SLC25A14: variants seen among roughly 807,000 people sequenced by gnomAD.
SLC25A14 encodes solute carrier family 25 member 14.
In SLC25A14, 8 loss-of-function variants were observed where a neutral mutation model predicts 28.1. The ratio of observed to expected loss-of-function variants is 0.28; its 90% confidence interval spans 0.17 to 0.51. The LOEUF is 0.51. Among genes scored for constraint, SLC25A14 ranks in the 20% least tolerant of loss-of-function variants. SLC25A14 has a pLI of 0.97. For synonymous variants in SLC25A14, 74 were observed against 90.6 expected, an observed-to-expected ratio of 0.82 and a Z score of 1.04; for missense variants, 135 against 263.8, an observed-to-expected ratio of 0.51 and a Z score of 3.38.
At chrX:130,344,801 G>A (rs2033377701) in intron 2 of SLC25A14, among the ~76,000 whole-genome samples, 1 of 111,793 alleles carries the variant, frequency 8.9e-6, no homozygotes, top group African/African-American at 3.2e-5. Flanking sequence ...TTTATGAGAT[G>A]CCTCAGCCTA....
intron 4 of SLC25A14, 152 bp from the exon 5 acceptor site, chrX:130,349,099 C>A: frequency 3.6e-6 from 1 of 277,775 alleles, no homozygotes. Context: ...CCAGAATGTT[C>A]AGTTTCTTGC....
At chrX:130,359,872 G>A (rs966862626) in intron 7 of SLC25A14, among the ~76,000 whole-genome samples, 36 of 110,629 alleles carry the variant, frequency 3.3e-4, no homozygotes, top group African/African-American at 1.2e-3. Flanking sequence ...AATGAAAGTA[G>A]GTTGCAGACA....
chrX:130,368,225 A>G (rs753396118), intron 9 of SLC25A14, among the ~76,000 whole-genome samples: 1 of 112,806 alleles, frequency 8.9e-6, no homozygotes, highest in Admixed American at 9.4e-5. Flanking sequence ...CACATGCAAT[A>G]GCGATCTAAT....
intron 2 of SLC25A14, among the ~76,000 whole-genome samples, chrX:130,344,285 A>G (rs1302434672): frequency 2.7e-5 from 3 of 111,708 alleles, no homozygotes; most frequent in Non-Finnish European, 5.6e-5. Flanking sequence ...GACCTTCTAG[A>G]TGATTCTAAT....
At chrX:130,356,857 T>A (rs1400971360) in intron 6 of SLC25A14, among the ~76,000 whole-genome samples, 2 of 111,917 alleles carry the variant, frequency 1.8e-5, no homozygotes, top group Admixed American at 1.9e-4. Flanking sequence ...AACTTTGTCC[T>A]TTCCCCACCA....
At chrX:130,368,435 C>A (rs1342062092) in intron 9 of SLC25A14, among the ~76,000 whole-genome samples, 1 of 112,044 alleles carries the variant, frequency 8.9e-6, no homozygotes, top group Non-Finnish European at 1.9e-5. Context: ...GTCTTATGTG[C>A]TAAGCACTGT....
intron 2 of SLC25A14, among the ~76,000 whole-genome samples, chrX:130,344,570 A>C (rs1490638995): frequency 1.8e-5 from 2 of 111,810 alleles, no homozygotes; most frequent in Non-Finnish European, 3.8e-5. Flanking sequence ...TGTACGTTAA[A>C]TGTCAGAGGG....
chrX:130,368,928 A>G (rs1366429622), intron 9 of SLC25A14, among the ~76,000 whole-genome samples: 2 of 112,418 alleles, frequency 1.8e-5, no homozygotes, highest in African/African-American at 6.5e-5. Flanking sequence ...TTGCTCACTC[A>G]TTTACTCACT....
Position 130,372,895 on chromosome X carries a change from G to T in SLC25A14, c.937-14G>T. ...CGATATCAACCTGGTGATCTTCCTT[G>T]ACTTACTCCTCAGTTTTTTATTACA... On this transcript the variant is annotated splice_polypyrimidine_tract_variant and intron_variant, in intron 10 of 10. Coordinates refer to ENST00000545805, the MANE Select transcript of SLC25A14 (RefSeq NM_001282195.2). 1 of 1,159,226 alleles carries T rather than the reference G, an allele frequency of 8.6e-7. No individual in the cohort carries two copies. The highest frequency in any genetic ancestry group is 1.2e-6 in the Non-Finnish European group (1 of 851,304).
intron 6 of SLC25A14, among the ~76,000 whole-genome samples, chrX:130,356,295 C>T (rs1160295670): frequency 2.2e-5 from 2 of 91,210 alleles, no homozygotes; most frequent in African/African-American, 4.3e-5. Flanking sequence ...GGCATGATCT[C>T]GGCTCACTGC....
chrX:130,362,199 C>G (rs773734051), intron 7 of SLC25A14, among the ~76,000 whole-genome samples: 3 of 108,083 alleles, frequency 2.8e-5, no homozygotes, highest in Non-Finnish European at 5.7e-5. Flanking sequence ...TGCAGTGGCG[C>G]GATCTCGGCT....
chrX:130,354,865 G>T (rs776018142), intron 6 of SLC25A14, among the ~76,000 whole-genome samples: 1 of 112,076 alleles, frequency 8.9e-6, no homozygotes, highest in South Asian at 3.7e-4. Context: ...CTGTCCTATG[G>T]TATTATTTTA....
intron 4 of SLC25A14, among the ~76,000 whole-genome samples, chrX:130,347,181 A>C (rs1041452784): frequency 1.4e-4 from 16 of 111,745 alleles, no homozygotes; most frequent in African/African-American, 4.9e-4. Context: ...ATCTGTTGCC[A>C]GTTTCCTAGG....
chrX:130,351,037 C>T (rs1431969458), intron 6 of SLC25A14, among the ~76,000 whole-genome samples: 1 of 111,373 alleles, frequency 9.0e-6, no homozygotes, highest in Non-Finnish European at 1.9e-5. Context: ...GTATGCAAGA[C>T]CCTATAGGTT....
chrX:130,360,651 T>C (rs1276079512), intron 7 of SLC25A14, among the ~76,000 whole-genome samples: 3 of 112,050 alleles, frequency 2.7e-5, no homozygotes, highest in African/African-American at 9.7e-5. Flanking sequence ...TTGCTTGATA[T>C]GTCTAATTTA....
intron 7 of SLC25A14, 138 bp downstream of exon 7, chrX:130,358,873 G>A: frequency 1.5e-6 from 1 of 649,435 alleles, no homozygotes; most frequent in Non-Finnish European, 2.4e-6. Flanking sequence ...CCCTTGAAAG[G>A]CCCAAAACTT....
chrX:130,362,034 C>T (rs1221306526), intron 7 of SLC25A14, among the ~76,000 whole-genome samples: 3 of 111,101 alleles, frequency 2.7e-5, no homozygotes, highest in Non-Finnish European at 1.9e-5. Flanking sequence ...AAGGAAGGCA[C>T]CCTTCGGCTA....
At chrX:130,362,105 A>T (rs1049265391) in intron 7 of SLC25A14, among the ~76,000 whole-genome samples, 3 of 90,023 alleles carry the variant, frequency 3.3e-5, no homozygotes, top group Admixed American at 2.4e-4. Flanking sequence ...ACTTCATTTT[A>T]TTTATTTATT....
At chrX:130,360,989 A>G (rs1000220450) in intron 7 of SLC25A14, among the ~76,000 whole-genome samples, 37 of 111,612 alleles carry the variant, frequency 3.3e-4, no homozygotes, top group African/African-American at 1.2e-3. Flanking sequence ...TGTCTCTATC[A>G]ATTTGACTAT....
Sources: gnomAD v4.1 joint callset for allele counts (sites outside exome capture counted in the v4.1 genomes callset) on GRCh38, gnomAD v4.1.1 for gene constraint, MANE v1.5 for transcripts, NCBI Gene and HGNC (gene_info 2026-07-23, HGNC 2026-07-21) for gene names.